Variants in SLC38A8 observed in about 807,000 individuals in gnomAD.
SLC38A8 encodes the protein amino acid transporter SLC38A8.
Under a neutral mutation model 46.0 loss-of-function variants are expected in SLC38A8, and 65 were observed. The observed-to-expected ratio is 1.41, with a 90% CI of 1.16 to 1.74. The LOEUF (loss-of-function observed/expected upper bound fraction) is 1.74, where lower values mean the gene tolerates loss of function less well. SLC38A8 is among the 40% of genes most tolerant of loss of function. SLC38A8 has a pLI of 0.00. For synonymous variants in SLC38A8, 447 were observed against 243.7 expected (o/e 1.83, Z -7.77); for missense variants, 998 against 567.9 (o/e 1.76, Z -7.70).
At chr16:84,040,208 C>T (rs938299200) in intron 2 of SLC38A8, among the ~76,000 whole-genome samples, 2 of 152,220 alleles carry the variant, frequency 1.3e-5, no homozygotes, top group African/African-American at 4.8e-5. Flanking sequence ...CCAGCCCCAA[C>T]TCCATCTCCC....
chr16:84,018,912 G>A (rs1438658093), intron 7 of SLC38A8, among the ~76,000 whole-genome samples: 1 of 152,148 alleles, frequency 6.6e-6, no homozygotes, highest in African/African-American at 2.4e-5. Context: ...AGTTCAATAA[G>A]TGGATTTATT....
intron 6 of SLC38A8, among the ~76,000 whole-genome samples, chr16:84,023,134 G>C: frequency 6.7e-6 from 1 of 149,350 alleles, no homozygotes; most frequent in Non-Finnish European, 1.5e-5. Context: ...ATACAAGCTC[G>C]CATTCCTTTC....
At chr16:84,029,042 G>A (rs148781301) in intron 6 of SLC38A8, among the ~76,000 whole-genome samples, 308 of 152,060 alleles carry the variant, frequency 2.0e-3, no homozygotes, top group African/African-American at 7.3e-3. Flanking sequence ...CCTCTACCCT[G>A]TACCCCTCAG....
Position 84,041,611 on chromosome 16 carries a change from C to T in SLC38A8, c.189+358G>A, listed in dbSNP as rs1222903640. On this transcript the variant is annotated intron_variant, in intron 2 of 10. Coordinates refer to ENST00000299709, the MANE Select transcript of SLC38A8 (RefSeq NM_001080442.3). The stretch of plus-strand genomic sequence containing the variant: ...TATAGGCACGAGCCACCGTGCCCGG[C>T]CCAGCTTTAGTTTTTGAGCTAAGAC... Among the ~76,000 whole-genome samples the T allele has an allele frequency of 7.9e-5, 12 of 152,324 alleles. No homozygotes were observed. In the East Asian group the frequency reaches 2.3e-3, roughly 29 times the overall value.
Position 84,033,263 on chromosome 16 carries a change from C to T in SLC38A8, c.530+65G>A, listed in dbSNP as rs1344878805. ...CCCAGCTCCTCTGACCCCAGATGGA[C>T]AGAAACCCTGACACAAACACTCAGC... is the stretch of plus-strand genomic sequence containing the variant. On this transcript the variant is annotated intron_variant, in intron 4 of 10. Coordinates refer to ENST00000299709, the MANE Select transcript of SLC38A8 (RefSeq NM_001080442.3). 1.9e-6 allele frequency: 3 copies of T among 1,609,218 alleles called. No homozygotes were observed. In the African/African-American group the frequency reaches 4.0e-5, roughly 22 times the overall value.
chr16:84,025,557 G>A (rs1038510425), intron 6 of SLC38A8, among the ~76,000 whole-genome samples: 3 of 152,138 alleles, frequency 2.0e-5, no homozygotes, highest in African/African-American at 7.2e-5. Context: ...CTGAGCTTGG[G>A]CCAGGATCGG....
At chr16:84,017,328 A>C in intron 7 of SLC38A8, 41 bp from the exon 8 acceptor site, 1 of 1,608,042 alleles carries the variant, frequency 6.2e-7, no homozygotes. Context: ...GTGGATTAGG[A>C]AAATGCTGCC....
chr16:84,019,064 C>G (rs1165976185), intron 7 of SLC38A8, among the ~76,000 whole-genome samples: 1 of 151,918 alleles, frequency 6.6e-6, no homozygotes, highest in Non-Finnish European at 1.5e-5. Flanking sequence ...CTTACTGAAA[C>G]TACAATTTCT....
intron 6 of SLC38A8, among the ~76,000 whole-genome samples, chr16:84,024,589 T>C (rs1213053675): frequency 1.3e-5 from 2 of 151,778 alleles, no homozygotes; most frequent in African/African-American, 4.8e-5. Context: ...GAGACCAGCC[T>C]GGCCAACATG....
At chr16:84,019,475 G>C (rs187007631) in intron 7 of SLC38A8, among the ~76,000 whole-genome samples, 14 of 152,316 alleles carry the variant, frequency 9.2e-5, no homozygotes, top group Admixed American at 3.9e-4. Flanking sequence ...CTGTTTATGA[G>C]AGCGCTGCTC....
intron 7 of SLC38A8, among the ~76,000 whole-genome samples, chr16:84,020,351 G>C (rs184948157): frequency 7.4e-4 from 113 of 152,178 alleles, no homozygotes; most frequent in African/African-American, 2.7e-3. Context: ...TCACTACGTT[G>C]GCCAGGCTGG....
intron 3 of SLC38A8, among the ~76,000 whole-genome samples, chr16:84,035,528 T>G (rs9921837): frequency 6.6e-6 from 1 of 151,960 alleles, no homozygotes; most frequent in Non-Finnish European, 1.5e-5. Context: ...CCCGACCATA[T>G]GCTGCCTACA....
upstream of SLC38A8, among the ~76,000 whole-genome samples, chr16:84,043,051 C>A (rs2085384967): frequency 6.6e-6 from 1 of 152,286 alleles, no homozygotes; most frequent in East Asian, 1.9e-4. Flanking sequence ...TGAGCCCAGC[C>A]TCCTCCTCTG....
At chr16:84,020,961 C>T (rs566552791) in intron 7 of SLC38A8, among the ~76,000 whole-genome samples, 1 of 152,222 alleles carries the variant, frequency 6.6e-6, no homozygotes, top group East Asian at 1.9e-4. Context: ...TCATTTTTTG[C>T]CTGTTCCAGC....
chr16:84,009,959 T>C (rs1315225108), intron 10 of SLC38A8, 82 bp from the exon 11 acceptor site: 4 of 1,197,978 alleles, frequency 3.3e-6, no homozygotes, highest in Middle Eastern at 1.9e-4. Context: ...ATTCACTATG[T>C]AGAGCCCAGT....
chr16:84,011,072 G>A (rs950918934), intron 10 of SLC38A8, among the ~76,000 whole-genome samples: 6 of 152,188 alleles, frequency 3.9e-5, no homozygotes, highest in Non-Finnish European at 5.9e-5. Context: ...CCAGAAGGCC[G>A]GGTTGTCATG....
intron 7 of SLC38A8, among the ~76,000 whole-genome samples, chr16:84,019,144 G>A (rs1326939797): frequency 6.6e-6 from 1 of 151,458 alleles, no homozygotes; most frequent in Non-Finnish European, 1.5e-5. Flanking sequence ...GCACAATCTC[G>A]ACTCACTGCA....
At chr16:84,010,432 G>A (rs183382340) in intron 10 of SLC38A8, among the ~76,000 whole-genome samples, 153 of 152,012 alleles carry the variant, frequency 1.0e-3, no homozygotes, top group Non-Finnish European at 1.8e-3. Flanking sequence ...TTCCTCCCCA[G>A]TATTTTATCA....
At chr16:84,041,781 G>T (rs913673902) in intron 2 of SLC38A8, among the ~76,000 whole-genome samples, 188 bp downstream of exon 2, 1 of 152,180 alleles carries the variant, frequency 6.6e-6, no homozygotes, top group African/African-American at 2.4e-5. Context: ...GCCCACGGGG[G>T]ATATTCTCAT....
Sources: gnomAD v4.1 joint callset for allele counts (sites outside exome capture counted in the v4.1 genomes callset) on GRCh38, gnomAD v4.1.1 for gene constraint, MANE v1.5 for transcripts, NCBI Gene and HGNC (gene_info 2026-07-23, HGNC 2026-07-21) for gene names.